Variants in SUN1 observed in about 807,000 individuals in gnomAD.
SUN1 encodes Sad1 and UNC84 domain containing 1, also known as SUN domain-containing protein 1.
Under a neutral mutation model 103.2 loss-of-function variants are expected in SUN1, and 61 were observed. The ratio of observed to expected loss-of-function variants is 0.59; its 90% CI spans 0.48 to 0.73. The LOEUF is 0.73. Among genes scored for constraint, SUN1 ranks in the 30% least tolerant of loss-of-function variants. The pLI is 0.00. For synonymous variants in SUN1, 490 were observed against 425.7 expected (o/e 1.15, Z -1.86); for missense variants, 1,052 against 1,034.6 (o/e 1.02, Z -0.23).
intron 1 of SUN1, among the ~76,000 whole-genome samples, chr7:823,024 A>G (rs1220076483): frequency 2.6e-5 from 4 of 152,328 alleles, no homozygotes; most frequent in South Asian, 2.1e-4. Context: ...GTGGCCACGC[A>G]TGAATTCCTG....
chr7:841,266 C>G (rs1159688224), intron 2 of SUN1, among the ~76,000 whole-genome samples: 1 of 123,330 alleles, frequency 8.1e-6, no homozygotes. Flanking sequence ...TTTTTTGAGC[C>G]GGAGTCTGGC....
intron 18 of SUN1, 29 bp downstream of exon 18, chr7:872,591 G>A (rs1842489719): frequency 6.5e-7 from 1 of 1,538,102 alleles, no homozygotes; most frequent in African/African-American, 1.4e-5. Context: ...ACTGCCTGGG[G>A]TCTCTGAGTC....
intron 1 of SUN1, among the ~76,000 whole-genome samples, chr7:837,160 T>G (rs1346030060): frequency 6.6e-6 from 1 of 152,202 alleles, no homozygotes; most frequent in Admixed American, 6.5e-5. Flanking sequence ...GGAACCCTCG[T>G]GAGCTGAAGC....
intron 1 of SUN1, among the ~76,000 whole-genome samples, chr7:825,529 C>T (rs1053457764): frequency 1.3e-5 from 2 of 152,148 alleles, no homozygotes; most frequent in South Asian, 2.1e-4. Context: ...TGTGTGTATG[C>T]GTGTATAAAA....
At chr7:871,241 T>C (rs1841451007) in intron 17 of SUN1, among the ~76,000 whole-genome samples, 1 of 152,206 alleles carries the variant, frequency 6.6e-6, no homozygotes, top group Non-Finnish European at 1.5e-5. Flanking sequence ...AGTCTTCTTT[T>C]TGTTCATTTA....
intron 1 of SUN1, among the ~76,000 whole-genome samples, chr7:826,882 A>G (rs1159124771): frequency 1.3e-5 from 2 of 152,146 alleles, no homozygotes; most frequent in African/African-American, 4.8e-5. Flanking sequence ...TCAACTCGGT[A>G]TTGACGGTTG....
At chr7:831,554 G>A (rs541130314), upstream of SUN1, among the ~76,000 whole-genome samples, 14 of 152,334 alleles carry the variant, frequency 9.2e-5, no homozygotes, top group East Asian at 2.7e-3. Flanking sequence ...CCAGGCGTGA[G>A]CCACCGCACC....
chr7:864,470 C>T (rs940647236), intron 15 of SUN1, among the ~76,000 whole-genome samples: 2 of 149,450 alleles, frequency 1.3e-5, no homozygotes, highest in Non-Finnish European at 1.5e-5. Flanking sequence ...AGGAGAATCG[C>T]TTGAACCTGG....
At chr7:826,166 G>T (rs945212155) in intron 1 of SUN1, among the ~76,000 whole-genome samples, 1 of 152,158 alleles carries the variant, frequency 6.6e-6, no homozygotes, top group African/African-American at 2.4e-5. Context: ...GATGGAGGCT[G>T]CAGTGAGCTG....
rs907690234 is a variant in SUN1 at position 854,928 on chromosome 7, T to C, written c.1272T>C (p.Phe424=). Residue 424 remains phenylalanine, a synonymous_variant, in exon 11 of 19, where the codon TTT becomes TTC. Coordinates refer to ENST00000401592, the MANE Select transcript of SUN1 (RefSeq NM_001130965.3). Reference sequence around the variant, plus strand: ...TCCTTCTCTTTCCTAAGACTGACTTTATGGCCTTTCACCAAGAACATGAAG... The same window carrying C: ...TCCTTCTCTTTCCTAAGACTGACTTCATGGCCTTTCACCAAGAACATGAAG... The part of the protein sequence containing the change: ...AVGQPPRETD[F]MAFHQEHEVR... The C allele has an allele frequency of 5.0e-6, 8 of 1,612,734 alleles. No individual in the cohort carries two copies. Among genetic ancestry groups the C allele is most frequent in the African/African-American group, 1.3e-5 (1 of 74,870 alleles).
chr7:860,901 G>A lies in SUN1; in HGVS notation c.1780-479G>A, dbSNP rs181604423. Among the ~76,000 whole-genome samples the A allele has an allele frequency of 3.0e-3, 464 of 152,274 alleles. 1 individual carries two copies. Among genetic ancestry groups the A allele is most frequent in the Non-Finnish European group, 5.0e-3 (342 of 68,022 alleles). ...CCATCAGATCTCCCGAGACTATCAC[G>A]AGAACAGCACGGGAGAAACCCCCAC... On this transcript the variant is annotated intron_variant, in intron 14 of 18. Coordinates refer to ENST00000401592, the MANE Select transcript of SUN1 (RefSeq NM_001130965.3).
At chr7:845,088 C>G (rs1473655698) in intron 5 of SUN1, among the ~76,000 whole-genome samples, 2 of 152,302 alleles carry the variant, frequency 1.3e-5, no homozygotes, top group Middle Eastern at 3.4e-3. Flanking sequence ...AGGAGGTTCA[C>G]AGATAATTGA....
intron 1 of SUN1, among the ~76,000 whole-genome samples, chr7:833,813 G>A (rs1240991161): frequency 1.3e-5 from 2 of 152,308 alleles, no homozygotes; most frequent in East Asian, 1.9e-4. Context: ...AGAACAGAAC[G>A]GGCAGGCCAG....
At chr7:829,211 A>C (rs1795632127), upstream of SUN1, among the ~76,000 whole-genome samples, 1 of 152,232 alleles carries the variant, frequency 6.6e-6, no homozygotes, top group Non-Finnish European at 1.5e-5. Context: ...AATGCAAAAA[A>C]CATCTCCCTT....
At chr7:864,432 T>C (rs1031889376) in intron 15 of SUN1, among the ~76,000 whole-genome samples, 4 of 151,580 alleles carry the variant, frequency 2.6e-5, no homozygotes, top group Admixed American at 2.6e-4. Flanking sequence ...CACATGCCTG[T>C]AATCCCAGCT....
At chr7:852,454 C>A in intron 7 of SUN1, 155 bp from the exon 8 acceptor site, 2 of 814,726 alleles carry the variant, frequency 2.5e-6, no homozygotes, top group Non-Finnish European at 4.0e-6. Context: ...TGAAGGTTCT[C>A]CTGAAGGCAT....
At chr7:826,259 A>G (rs1791746200) in intron 1 of SUN1, among the ~76,000 whole-genome samples, 2 of 59,848 alleles carry the variant, frequency 3.3e-5, no homozygotes, top group Admixed American at 1.9e-4. Flanking sequence ...GAAAGAACAA[A>G]GAAACGAACT....
intron 3 of SUN1, 39 bp from the exon 4 acceptor site, chr7:843,167 A>G (rs369080930): frequency 6.8e-5 from 108 of 1,596,042 alleles, no homozygotes; most frequent in Middle Eastern, 6.7e-4. Flanking sequence ...GCTGAGCTCA[A>G]CAGCAAAAAT....
upstream of SUN1, among the ~76,000 whole-genome samples, chr7:832,263 C>T (rs548549718): frequency 2.0e-5 from 3 of 152,194 alleles, no homozygotes; most frequent in East Asian, 5.8e-4. Context: ...TTTAGGGTTC[C>T]CCTGGTCTTT....
Sources: gnomAD v4.1 joint callset for allele counts (sites outside exome capture counted in the v4.1 genomes callset) on GRCh38, gnomAD v4.1.1 for gene constraint, MANE v1.5 for transcripts, NCBI Gene and HGNC (gene_info 2026-07-23, HGNC 2026-07-21) for gene names.